ACOT13: variants seen among roughly 807,000 people sequenced by gnomAD.
The protein encoded by ACOT13 is acyl-CoA thioesterase 13.
Under a neutral mutation model 11.8 loss-of-function variants are expected in ACOT13, and 10 were observed. The ratio of observed to expected loss-of-function variants is 0.85; its 90% CI spans 0.53 to 1.44. The LOEUF is 1.44. Ranked by LOEUF, ACOT13 falls within the 40% of genes most tolerant of loss-of-function variation. The pLI is 0.00. For synonymous variants in ACOT13, 53 were observed against 61.0 expected, an observed-to-expected ratio of 0.87 and a Z score of 0.61; for missense variants, 172 against 174.1, an observed-to-expected ratio of 0.99 and a Z score of 0.07.
At chr6:24,699,121 A>T (rs950489511) in intron 2 of ACOT13, among the ~76,000 whole-genome samples, 1 of 151,754 alleles carries the variant, frequency 6.6e-6, no homozygotes, top group African/African-American at 2.4e-5. Context: ...TGCTTTTTCC[A>T]CCTAAGCAAC....
chr6:24,700,316 GAAAT>G (rs1778870914), intron 2 of ACOT13, among the ~76,000 whole-genome samples: 2 of 151,696 alleles, frequency 1.3e-5, no homozygotes. Context: ...AAAATTTAGG[GAAAT>G]AATAAAAACT....
intron 2 of ACOT13, among the ~76,000 whole-genome samples, chr6:24,698,452 C>T (rs975554635): frequency 7.9e-5 from 12 of 151,926 alleles, no homozygotes; most frequent in African/African-American, 1.2e-4. Flanking sequence ...TTTGGGAGGC[C>T]GAGGCAAGAG....
chr6:24,698,154 G>A (rs964586975), intron 2 of ACOT13, 87 bp downstream of exon 2: 25 of 1,177,964 alleles, frequency 2.1e-5, no homozygotes, highest in Admixed American at 3.6e-5. Flanking sequence ...TATTAGTAAC[G>A]CATGAGATTC....
intron 2 of ACOT13, 59 bp downstream of exon 2, chr6:24,698,126 G>A: frequency 2.2e-6 from 3 of 1,390,830 alleles, no homozygotes; most frequent in South Asian, 1.6e-5. Flanking sequence ...AAACAACTGA[G>A]ACTAAACACA....
At chr6:24,668,075 A>G (rs1023579969) in intron 1 of ACOT13, among the ~76,000 whole-genome samples, 1 of 151,738 alleles carries the variant, frequency 6.6e-6, no homozygotes, top group South Asian at 2.1e-4. Flanking sequence ...TGCCCAGCTA[A>G]TATTGTACTT....
At chr6:24,675,500 A>G (rs1373102869) in intron 1 of ACOT13, among the ~76,000 whole-genome samples, 1 of 152,186 alleles carries the variant, frequency 6.6e-6, no homozygotes, top group Admixed American at 6.5e-5. Flanking sequence ...GCATTTTTTC[A>G]TGTATCTGTT....
At chr6:24,673,964 T>C (rs956728397) in intron 1 of ACOT13, among the ~76,000 whole-genome samples, 4 of 152,238 alleles carry the variant, frequency 2.6e-5, no homozygotes, top group African/African-American at 7.2e-5. Flanking sequence ...CAAAAAAAAT[T>C]TGTTTTATAA....
rs1213239602 is a variant in ACOT13 at position 24,678,559 on chromosome 6, A to G, written c.81+11215A>G. ...TCCTTTAATTTAACTTGAATAGGACAGGCATTCTTTGCTCATCCATATTGT... is the reference window on the plus strand; with the variant it reads ...TCCTTTAATTTAACTTGAATAGGACGGGCATTCTTTGCTCATCCATATTGT... On this transcript the variant is annotated intron_variant, in intron 1 of 2. Transcript: ENST00000230048. Among the ~76,000 whole-genome samples, 7 of 152,272 alleles carry G rather than the reference A, an allele frequency of 4.6e-5. No individual in the cohort carries two copies. In the East Asian group the frequency reaches 1.4e-3, roughly 29 times the overall value.
chr6:24,671,544 T>C (rs1008013386), intron 1 of ACOT13, among the ~76,000 whole-genome samples: 11 of 152,128 alleles, frequency 7.2e-5, no homozygotes, highest in African/African-American at 2.7e-4. Flanking sequence ...CAAACCAACA[T>C]GGCACATGTA....
chr6:24,701,588 A>G lies in ACOT13; in HGVS notation c.396A>G (p.Gly132=), dbSNP rs1158309349. 14 of 1,612,768 alleles carry G rather than the reference A, an allele frequency of 8.7e-6. No individual in the cohort carries two copies. The highest frequency in any genetic ancestry group is 1.2e-5 in the Non-Finnish European group (14 of 1,179,280). ...CCACAGGAAAATTAATAGCACAAGGAAGACACACAAAACACCTGGGAAACT... is the reference window on the plus strand; with the variant it reads ...CCACAGGAAAATTAATAGCACAAGGGAGACACACAAAACACCTGGGAAACT... ...NKATGKLIAQ[G]RHTKHLGN is the part of the protein sequence containing the mutation. Residue 132 remains glycine, a synonymous_variant, in exon 3 of 3, where the codon GGA becomes GGG. Transcript: ENST00000230048.
chr6:24,674,631 G>C (rs1453828305), intron 1 of ACOT13, among the ~76,000 whole-genome samples: 1 of 151,354 alleles, frequency 6.6e-6, no homozygotes, highest in African/African-American at 2.4e-5. Context: ...GGCCAAGCTA[G>C]TCTCAAACTC....
intron 1 of ACOT13, among the ~76,000 whole-genome samples, chr6:24,685,332 CTTTTTTTTTTTTTTTTT>C (rs563020332): frequency 4.1e-3 from 484 of 116,746 alleles, no homozygotes; most frequent in Non-Finnish European, 6.3e-3. Context: ...TTTTACTGTA[CTTTTTTTTTTTTTTTTT>C]TTTTTTTTTT....
At chr6:24,693,320 G>A (rs1406147538) in intron 1 of ACOT13, among the ~76,000 whole-genome samples, 2 of 152,188 alleles carry the variant, frequency 1.3e-5, no homozygotes, top group Non-Finnish European at 2.9e-5. Context: ...TGTGCTTGAG[G>A]CCCATTACAG....
chr6:24,669,967 G>T (rs1562154078), intron 1 of ACOT13, among the ~76,000 whole-genome samples: 1 of 151,886 alleles, frequency 6.6e-6, no homozygotes, highest in Non-Finnish European at 1.5e-5. Context: ...GAAAAGAAAA[G>T]AAAAAAATTA....
In ACOT13 at chr6:24,697,948, C is replaced by G. The variant is rs1778823039; in HGVS notation, c.147C>G (p.Thr49=). 2.5e-6 allele frequency: 4 copies of G among 1,613,490 alleles called. No homozygotes were observed. Among genetic ancestry groups the G allele is most frequent in the Non-Finnish European group, 1.7e-6 (2 of 1,179,840 alleles). ...ICEMKVEEEH[T]NAIGTLHGGL... ...AAATGAAAGTAGAAGAAGAGCATAC[C>G]AATGCAATAGGCACTCTCCACGGCG... is the stretch of plus-strand genomic sequence containing the variant. Residue 49 remains threonine, a synonymous_variant, in exon 2 of 3, where the codon ACC becomes ACG. Coordinates refer to ENST00000230048, the MANE Select transcript of ACOT13 (RefSeq NM_018473.4).
chr6:24,690,990 A>G (rs1158395018), intron 1 of ACOT13, among the ~76,000 whole-genome samples: 2 of 152,164 alleles, frequency 1.3e-5, no homozygotes. Context: ...CTTTCTGTAT[A>G]TTATTGAAAA....
intron 1 of ACOT13, 107 bp downstream of exon 1, chr6:24,667,451 T>C: frequency 1.0e-6 from 1 of 998,454 alleles, no homozygotes; most frequent in South Asian, 1.4e-5. Context: ...TAGGTTGTGT[T>C]CTAGTACGCC....
chr6:24,699,187 G>A (rs1441859035), intron 2 of ACOT13, among the ~76,000 whole-genome samples: 1 of 151,764 alleles, frequency 6.6e-6, no homozygotes, highest in Admixed American at 6.6e-5. Flanking sequence ...GTAGATATGA[G>A]GGTAATGGAA....
At chr6:24,675,416 A>C (rs954516043) in intron 1 of ACOT13, among the ~76,000 whole-genome samples, 63 of 152,138 alleles carry the variant, frequency 4.1e-4, no homozygotes, top group Admixed American at 6.5e-4. Flanking sequence ...TTTAATGATC[A>C]CCATTCTAAC....
Sources: allele counts gnomAD v4.1 joint callset (sites outside exome capture counted in the v4.1 genomes callset), GRCh38; gene constraint gnomAD v4.1.1; transcripts MANE v1.5; gene names NCBI Gene and HGNC (gene_info 2026-07-23, HGNC 2026-07-21).